ATG7: variants seen among roughly 807,000 people sequenced by gnomAD.
ATG7 encodes the protein ubiquitin-like modifier-activating enzyme ATG7.
Under a neutral mutation model 82.4 loss-of-function variants are expected in ATG7, and 70 were observed. The observed-to-expected ratio is 0.85, with a 90% CI of 0.70 to 1.04. ATG7 has a LOEUF of 1.04. Ranked by LOEUF, ATG7 falls within the 50% of genes least tolerant of loss-of-function variation. The probability of loss-of-function intolerance (pLI) is 0.00; values close to 1 mark genes in which losing one functional copy is unlikely to be tolerated. For missense variants in ATG7, 792 were observed against 864.3 expected, an observed-to-expected ratio of 0.92 and a Z score of 1.05; for synonymous variants, 287 against 313.0, an observed-to-expected ratio of 0.92 and a Z score of 0.88.
chr3:11,413,402 C>T (rs909041214), intron 19 of ATG7, among the ~76,000 whole-genome samples: 1 of 152,134 alleles, frequency 6.6e-6, no homozygotes, highest in Non-Finnish European at 1.5e-5. Flanking sequence ...GCTTTTTCTG[C>T]ATCAATCGAG....
intron 14 of ATG7, among the ~76,000 whole-genome samples, chr3:11,350,547 C>T (rs1004158494): frequency 2.0e-5 from 3 of 152,164 alleles, no homozygotes; most frequent in African/African-American, 7.2e-5. Context: ...GTGGGTCCTA[C>T]TCTTCCTATG....
intron 14 of ATG7, among the ~76,000 whole-genome samples, chr3:11,350,547 C>G (rs1004158494): frequency 1.3e-5 from 2 of 152,164 alleles, no homozygotes; most frequent in African/African-American, 4.8e-5. Context: ...GTGGGTCCTA[C>G]TCTTCCTATG....
intron 20 of ATG7, among the ~76,000 whole-genome samples, chr3:11,514,912 C>T (rs990140558): frequency 6.6e-6 from 1 of 150,406 alleles, no homozygotes; most frequent in African/African-American, 2.5e-5. Context: ...ATGATCTCAG[C>T]TCACTGCAAC....
intron 13 of ATG7, 46 bp downstream of exon 13, chr3:11,342,325 C>T: frequency 6.4e-7 from 1 of 1,570,894 alleles, no homozygotes; most frequent in Non-Finnish European, 8.6e-7. Context: ...GAAGTTGTAG[C>T]TTCTCTTCTT....
At position 11,421,046 on chromosome 3, in the gene ATG7, C is replaced by T. The variant is rs560054542; in HGVS notation, c.1957-5758C>T. On this transcript the variant is annotated intron_variant, in intron 19 of 20. Coordinates refer to ENST00000693202, the MANE Select transcript of ATG7 (RefSeq NM_001349232.2). ...CTGGGATTACAGGCGTGAGCCACCA[C>T]GCCTGGCCACAAAATACTTTTTTTT... 3.0e-3 allele frequency among the ~76,000 whole-genome samples: 455 copies of T among 152,164 alleles called. 1 individual carries two copies. The highest frequency in any genetic ancestry group is 0.01 in the Middle Eastern group (3 of 294).
intron 19 of ATG7, among the ~76,000 whole-genome samples, chr3:11,398,729 G>T (rs1337672327): frequency 2.6e-5 from 4 of 152,188 alleles, no homozygotes; most frequent in African/African-American, 4.8e-5. Flanking sequence ...GCACATGCCT[G>T]TAGTCCTAGC....
At chr3:11,329,736 G>A (rs1401067377) in intron 9 of ATG7, among the ~76,000 whole-genome samples, 2 of 152,200 alleles carry the variant, frequency 1.3e-5, no homozygotes, top group Non-Finnish European at 2.9e-5. Flanking sequence ...CCCAGTTTCA[G>A]TTTTTTCTAA....
chr3:11,468,817 C>T (rs1045763457), intron 20 of ATG7, among the ~76,000 whole-genome samples: 2 of 152,194 alleles, frequency 1.3e-5, no homozygotes, highest in African/African-American at 4.8e-5. Flanking sequence ...TCATCAGACT[C>T]TCAACAGATA....
chr3:11,293,955 T>G (rs1945410871), intron 3 of ATG7, among the ~76,000 whole-genome samples: 1 of 149,192 alleles, frequency 6.7e-6, no homozygotes, highest in South Asian at 2.1e-4. Flanking sequence ...GAGGCCGAGG[T>G]TGCTGTGAGC....
chr3:11,552,992 C>A (rs2125067777), intron 20 of ATG7, among the ~76,000 whole-genome samples: 1 of 152,356 alleles, frequency 6.6e-6, no homozygotes, highest in Non-Finnish European at 1.5e-5. Context: ...ACAACCCCAA[C>A]CACCCATTTG....
chr3:11,411,619 CAAA>C (rs71055868), intron 19 of ATG7, among the ~76,000 whole-genome samples: 135 of 71,740 alleles, frequency 1.9e-3, no homozygotes, highest in Middle Eastern at 9.3e-3. Context: ...ACTCTGTCTC[CAAA>C]AAAAAAAAAA....
chr3:11,388,874 G>A (rs553068121), intron 19 of ATG7, among the ~76,000 whole-genome samples: 2 of 152,134 alleles, frequency 1.3e-5, no homozygotes, highest in South Asian at 4.1e-4. Context: ...GCTGGAACTG[G>A]GAAAGCTTTT....
intron 20 of ATG7, among the ~76,000 whole-genome samples, chr3:11,468,306 AAGTGGAGCT>A (rs1470310610): frequency 4.7e-5 from 2 of 42,136 alleles, no homozygotes; most frequent in Admixed American, 2.6e-4. Flanking sequence ...TGGAAGGGGT[AAGTGGAGCT>A]AGTGGGAGAG....
chr3:11,371,745 T>G lies in ATG7; in HGVS notation c.1875+7011T>G, dbSNP rs2077009769. On this transcript the variant is annotated intron_variant, in intron 18 of 20. Coordinates refer to ENST00000693202, the MANE Select transcript of ATG7 (RefSeq NM_001349232.2). The stretch of plus-strand genomic sequence containing the variant: ...GATAGCATCACCTGGGACAAAGTAC[T>G]TAAGTCCTTAAGGTAGCACACCAAA... 2.0e-5 allele frequency among the ~76,000 whole-genome samples: 3 copies of G among 151,156 alleles called. 1 individual carries two copies. Among genetic ancestry groups the G allele is most frequent in the Admixed American group, 2.0e-4 (3 of 15,136 alleles).
At chr3:11,451,429 C>G (rs567159720) in intron 20 of ATG7, among the ~76,000 whole-genome samples, 28 of 152,240 alleles carry the variant, frequency 1.8e-4, no homozygotes, top group Admixed American at 1.7e-3. Flanking sequence ...CTAGCTGGTC[C>G]TGACCTCCTG....
rs115478422 is a variant in ATG7, at chr3:11,493,812, A to T, written c.2080-60999A>T. 2.1e-3 allele frequency among the ~76,000 whole-genome samples: 326 copies of T among 152,330 alleles called. 1 individual carries two copies. The highest frequency in any genetic ancestry group is 7.5e-3 in the African/African-American group (311 of 41,570). ...GCTTGCAAGCACAATCTGGGGCATC[A>T]CAAAGAGATTCGGTACCAAGTTAAA... On this transcript the variant is annotated intron_variant, in intron 20 of 20. Coordinates refer to ENST00000693202, the MANE Select transcript of ATG7 (RefSeq NM_001349232.2).
chr3:11,541,169 G>A lies in ATG7; in HGVS notation c.2080-13642G>A, dbSNP rs578182912. Among the ~76,000 whole-genome samples the A allele has an allele frequency of 5.3e-5, 8 of 152,280 alleles. No homozygotes were observed. The South Asian group carries it at 6.2e-4, about 12-fold the overall frequency. On this transcript the variant is annotated intron_variant, in intron 20 of 20. Transcript: ENST00000693202. ...CCCGCCTCGGCCTCCCAAAGTGCTG[G>A]GATTACAGGCGTGAGCCATCGCGCC...
At chr3:11,545,118 G>A (rs551589121) in intron 20 of ATG7, among the ~76,000 whole-genome samples, 31 of 152,274 alleles carry the variant, frequency 2.0e-4, no homozygotes, top group African/African-American at 5.8e-4. Context: ...AGGAGGCTGC[G>A]GCCGCTGGAA....
At chr3:11,311,171 G>T (rs575544243) in intron 7 of ATG7, among the ~76,000 whole-genome samples, 25 of 152,198 alleles carry the variant, frequency 1.6e-4, no homozygotes, top group African/African-American at 5.8e-4. Flanking sequence ...AAAAAAAATT[G>T]TAAGTATCTA....
Sources: allele counts gnomAD v4.1 joint callset (sites outside exome capture counted in the v4.1 genomes callset), GRCh38; gene constraint gnomAD v4.1.1; transcripts MANE v1.5; gene names NCBI Gene and HGNC (gene_info 2026-07-23, HGNC 2026-07-21).